Variants in PCDHGA11 observed in about 807,000 individuals in gnomAD.
The protein encoded by PCDHGA11 is protocadherin gamma subfamily A, 11.
PCDHGA11 carries 39 observed loss-of-function variants against 60.4 expected under a neutral mutation model. The ratio of observed to expected loss-of-function variants is 0.65; its 90% CI spans 0.50 to 0.84. The LOEUF (loss-of-function observed/expected upper bound fraction) is 0.84, where lower values mean the gene tolerates loss of function less well. Ranked by LOEUF, PCDHGA11 falls within the 40% of genes least tolerant of loss-of-function variation. PCDHGA11 has a pLI of 0.00. For synonymous variants in PCDHGA11, 533 were observed against 510.3 expected (o/e 1.04, Z -0.60); for missense variants, 1,165 against 1,197.7 (o/e 0.97, Z 0.40).
intron 1 of PCDHGA11, among the ~76,000 whole-genome samples, chr5:141,464,094 G>A (rs540562188): frequency 7.4e-4 from 112 of 151,988 alleles, no homozygotes; most frequent in Non-Finnish European, 1.1e-3. Context: ...GTGAAACTCC[G>A]TCTCTACTAA....
intron 1 of PCDHGA11, chr5:141,442,382 T>C (rs1256682275): frequency 6.6e-6 from 1 of 152,290 alleles, no homozygotes; most frequent in East Asian, 1.9e-4. Flanking sequence ...CTACCAGGTG[T>C]GTGCTTCTCC....
rs748764057 is a variant in PCDHGA11, at chr5:141,423,549, C to T, written c.2322C>T (p.Pro774=). Residue 774 remains proline (P), a synonymous_variant, in exon 1 of 4, where the codon CCC becomes CCT. Transcript: ENST00000398587. ...SQKSHLIFPQ[P]NYGDTLISQE... is the part of the protein sequence containing the mutation. ...AGAGTCACCTGATTTTCCCCCAGCC[C>T]AACTATGGGGACACGCTCATCAGCC... 7.0e-5 allele frequency: 113 copies of T among 1,613,568 alleles called. No homozygotes were observed. Among genetic ancestry groups the T allele is most frequent in the Non-Finnish European group, 8.7e-5 (103 of 1,179,738 alleles).
intron 1 of PCDHGA11, among the ~76,000 whole-genome samples, chr5:141,459,494 G>C (rs1454297107): frequency 2.0e-5 from 3 of 152,200 alleles, no homozygotes; most frequent in African/African-American, 7.2e-5. Context: ...CTGAATTAAA[G>C]TGATGTGAAC....
At chr5:141,451,673 G>A (rs912482749) in intron 1 of PCDHGA11, among the ~76,000 whole-genome samples, 4 of 152,164 alleles carry the variant, frequency 2.6e-5, no homozygotes, top group African/African-American at 7.2e-5. Context: ...CTTGAGCCCA[G>A]GAGTTCAAGA....
rs755093164 is a variant in PCDHGA11, at chr5:141,485,516, G to C, written c.2434-9291G>C. On this transcript the variant is annotated intron_variant, in intron 1 of 3. Coordinates refer to ENST00000398587, the MANE Select transcript of PCDHGA11 (RefSeq NM_018914.3). The surrounding 1 kb of genome is among the most constrained non-coding windows in gnomAD (Gnocchi z 5.7). Reference sequence around the variant, plus strand: ...GGAGTTTGTCACCGAAGGTCCTTTGGAAATGTACCGAGCAGAGGTAGAGAT... The same window carrying C: ...GGAGTTTGTCACCGAAGGTCCTTTGCAAATGTACCGAGCAGAGGTAGAGAT... 1 of 1,614,172 alleles carries C rather than the reference G, an allele frequency of 6.2e-7. No individual in the cohort carries two copies.
intron 1 of PCDHGA11, among the ~76,000 whole-genome samples, chr5:141,447,863 A>G (rs553375129): frequency 6.6e-6 from 1 of 152,254 alleles, no homozygotes; most frequent in East Asian, 1.9e-4. Flanking sequence ...AGGTGGGTGA[A>G]TCATCTGAGG....
chr5:141,431,420 G>A lies in PCDHGA11; in HGVS notation c.2433+7760G>A, dbSNP rs780266425. ...TACGGCCTCCGACGGGGGCGACCCG[G>A]TGCGCACAGGCACCGCGCGCATCCG... On this transcript the variant is annotated intron_variant, in intron 1 of 3. Coordinates refer to ENST00000398587, the MANE Select transcript of PCDHGA11 (RefSeq NM_018914.3). The surrounding 1 kb of genome is among the most constrained non-coding windows in gnomAD (Gnocchi z 4.8). 5 of 1,613,592 alleles carry A rather than the reference G, an allele frequency of 3.1e-6. No homozygotes were observed. The highest frequency in any genetic ancestry group is 3.4e-6 in the Non-Finnish European group (4 of 1,180,050).
At chr5:141,474,722 C>G (rs1562046141) in intron 1 of PCDHGA11, among the ~76,000 whole-genome samples, 1 of 152,216 alleles carries the variant, frequency 6.6e-6, no homozygotes, top group Non-Finnish European at 1.5e-5. Flanking sequence ...TTCAAAAGGA[C>G]TCTATGCAAT....
At chr5:141,483,648 T>TTGTGTGTGTGTGTG (rs111458813) in intron 1 of PCDHGA11, among the ~76,000 whole-genome samples, 2 of 149,592 alleles carry the variant, frequency 1.3e-5, no homozygotes, top group Non-Finnish European at 3.0e-5. Context: ...GGGTGTGTGT[T>TTGTGTGTGTGTGTG]TGTGTGTGTG....
intron 1 of PCDHGA11, among the ~76,000 whole-genome samples, chr5:141,470,212 C>A (rs756256854): frequency 2.0e-5 from 3 of 152,116 alleles, no homozygotes; most frequent in Non-Finnish European, 4.4e-5. Context: ...AAGGCTAAAC[C>A]ATTCAGCTTC....
chr5:141,456,312 GCTC>G (rs2098849548), intron 1 of PCDHGA11, among the ~76,000 whole-genome samples: 1 of 152,126 alleles, frequency 6.6e-6, no homozygotes, highest in Admixed American at 6.6e-5. Context: ...AGCAGCTAGG[GCTC>G]CTCCTGGGGT....
In PCDHGA11 at chr5:141,423,648, G is replaced by A. The variant is rs1291261924; in HGVS notation, c.2421G>A (p.Pro807=). The A allele has an allele frequency of 2.5e-6, 4 of 1,590,008 alleles. No individual in the cohort carries two copies. Among genetic ancestry groups the A allele is most frequent in the Middle Eastern group, 1.7e-4 (1 of 5,916 alleles). The change falls in exon 1 of 4, where the codon CCG becomes CCA. Residue 807 remains proline (P), a synonymous_variant. Coordinates refer to ENST00000398587, the MANE Select transcript of PCDHGA11 (RefSeq NM_018914.3). ...CTATCATTTTAGGCAAATGTGACCC[G>A]ACAAGTAATCAGGTGAGATTTATTT... ...DSAIILGKCD[P]TSNQQAPPNT... is the part of the protein sequence containing the mutation.
Position 141,431,303 on chromosome 5 carries a change from G to A in PCDHGA11, c.2433+7643G>A, listed in dbSNP as rs777784010. 2 of 1,613,942 alleles carry A rather than the reference G, an allele frequency of 1.2e-6. No homozygotes were observed. The highest frequency in any genetic ancestry group is 2.7e-5 in the African/African-American group (2 of 74,916). ...CCCGAACACTCACTTCTCCCTCATC[G>A]TGCAAAATGGAGCCGACGGTAGTAA... On this transcript the variant is annotated intron_variant, in intron 1 of 3. Transcript: ENST00000398587. The surrounding 1 kb of genome is among the most constrained non-coding windows in gnomAD (Gnocchi z 4.8).
At chr5:141,443,442 C>T (rs571341362) in intron 1 of PCDHGA11, among the ~76,000 whole-genome samples, 9 of 152,202 alleles carry the variant, frequency 5.9e-5, no homozygotes, top group East Asian at 1.9e-4. Context: ...GCTGTGGTTG[C>T]GCTCCTGTAC....
chr5:141,501,292 C>CACAT (rs200296563), intron 2 of PCDHGA11, among the ~76,000 whole-genome samples: 14,029 of 50,334 alleles, frequency 0.28, 723 homozygotes, highest in Admixed American at 0.4. Flanking sequence ...TTCCCTTATA[C>CACAT]ACACACACAC....
chr5:141,454,489 C>T (rs1450435753), intron 1 of PCDHGA11, among the ~76,000 whole-genome samples: 1 of 152,222 alleles, frequency 6.6e-6, no homozygotes, highest in African/African-American at 2.4e-5. Flanking sequence ...TCACCGCAAC[C>T]TCCACCTCCT....
Position 141,489,714 on chromosome 5 carries a change from G to C in PCDHGA11, c.2434-5093G>C, listed in dbSNP as rs770143357. On this transcript the variant is annotated intron_variant, in intron 1 of 3. Coordinates refer to ENST00000398587, the MANE Select transcript of PCDHGA11 (RefSeq NM_018914.3). The surrounding 1 kb of genome is among the most constrained non-coding windows in gnomAD (Gnocchi z 4.5). Reference sequence around the variant, plus strand: ...CACGATTCCCACTGGACAGTGCCCAGGATCCGGATGTGGGCACCAATACTG... The same window carrying C: ...CACGATTCCCACTGGACAGTGCCCACGATCCGGATGTGGGCACCAATACTG... 7.4e-6 allele frequency: 12 copies of C among 1,613,958 alleles called. No individual in the cohort carries two copies. The highest frequency in any genetic ancestry group is 1.0e-5 in the Non-Finnish European group (12 of 1,179,930).
intron 1 of PCDHGA11, among the ~76,000 whole-genome samples, chr5:141,466,975 A>C (rs769024064): frequency 2.6e-5 from 4 of 151,842 alleles, no homozygotes; most frequent in Non-Finnish European, 5.9e-5. Context: ...CTCACAGCTC[A>C]TCATTTACCT....
At position 141,431,633 on chromosome 5, in the gene PCDHGA11, T is replaced by G; in HGVS notation, c.2433+7973T>G. On this transcript the variant is annotated intron_variant, in intron 1 of 3. Coordinates refer to ENST00000398587, the MANE Select transcript of PCDHGA11 (RefSeq NM_018914.3). This position sits in a 1 kb window ranked among gnomAD's most constrained non-coding sequence, Gnocchi z 4.8. Reference sequence around the variant, plus strand: ...TGTGGACGACAAGGCGGCCCAAGTTTTCAAACTAGATTGTAATTCAGGGAC... The same window carrying G: ...TGTGGACGACAAGGCGGCCCAAGTTGTCAAACTAGATTGTAATTCAGGGAC... 6.2e-7 allele frequency: 1 copy of G among 1,614,240 alleles called. No individual in the cohort carries two copies. Among genetic ancestry groups the G allele is most frequent in the Non-Finnish European group, 8.5e-7 (1 of 1,180,048 alleles).
Sources: gnomAD v4.1 joint callset for allele counts (sites outside exome capture counted in the v4.1 genomes callset) on GRCh38, gnomAD v4.1.1 for gene constraint, Gnocchi (gnomAD v3.1) non-coding constraint, MANE v1.5 for transcripts, NCBI Gene and HGNC (gene_info 2026-07-23, HGNC 2026-07-21) for gene names.